The following PTPRD variants were observed in gnomAD, a reference collection of about 807,000 sequenced individuals.
The protein encoded by PTPRD is protein tyrosine phosphatase receptor type D, also known as receptor-type tyrosine-protein phosphatase delta.
Under a neutral mutation model 214.5 loss-of-function variants are expected in PTPRD, and 34 were observed. The ratio of observed to expected loss-of-function variants is 0.16; its 90% CI spans 0.12 to 0.21. PTPRD has a LOEUF of 0.21. PTPRD is among the 10% of genes least tolerant of loss of function. The pLI is 1.00. For missense variants in PTPRD, 2,545 were observed against 2,398.7 expected (o/e 1.06, Z -1.27); for synonymous variants, 1,128 against 845.7 (o/e 1.33, Z -5.79).
rs527658339 is a variant in PTPRD, at chr9:10,427,317, C to T, written c.-599-86300G>A. Among the ~76,000 whole-genome samples the T allele has an allele frequency of 2.6e-5, 4 of 152,124 alleles. No homozygotes were observed. The South Asian group carries it at 8.3e-4, about 32-fold the overall frequency. On this transcript the variant is annotated intron_variant, in intron 2 of 45. Transcript: ENST00000381196. ...AAGCACACCACTATGAAACCTATGC[C>T]TCACTAAATATGATTATAACAAACA...
chr9:9,100,528 A>G (rs2099789812), intron 10 of PTPRD, among the ~76,000 whole-genome samples: 1 of 152,190 alleles, frequency 6.6e-6, no homozygotes, highest in African/African-American at 2.4e-5. Flanking sequence ...TTCTGTTGGT[A>G]TGATCAGGTA....
At chr9:10,035,149 T>A (rs2097154854) in intron 3 of PTPRD, among the ~76,000 whole-genome samples, 1 of 152,170 alleles carries the variant, frequency 6.6e-6, no homozygotes, top group Non-Finnish European at 1.5e-5. Flanking sequence ...CCATTTTGAC[T>A]AGTGTGAGAT....
At chr9:9,550,132 A>T (rs1311354494) in intron 8 of PTPRD, among the ~76,000 whole-genome samples, 8 of 152,060 alleles carry the variant, frequency 5.3e-5, no homozygotes, top group Middle Eastern at 3.4e-3. Flanking sequence ...TCATCTTATC[A>T]GTTGAAGGCC....
intron 3 of PTPRD, among the ~76,000 whole-genome samples, chr9:10,161,938 T>A (rs746656644): frequency 1.1e-4 from 17 of 151,656 alleles, no homozygotes; most frequent in Admixed American, 7.2e-4. Flanking sequence ...GTATATTTTT[T>A]AAAAAAATGC....
intron 9 of PTPRD, among the ~76,000 whole-genome samples, chr9:9,235,938 T>C (rs2134083612): frequency 6.6e-6 from 1 of 152,210 alleles, no homozygotes; most frequent in South Asian, 2.1e-4. Context: ...TTAGTCTGAG[T>C]CAATTCTAAA....
At chr9:9,719,658 C>T (rs558461376) in intron 7 of PTPRD, among the ~76,000 whole-genome samples, 5 of 152,306 alleles carry the variant, frequency 3.3e-5, no homozygotes, top group Non-Finnish European at 5.9e-5. Context: ...CCTCACAGCT[C>T]GCTATGCTGC....
intron 3 of PTPRD, among the ~76,000 whole-genome samples, chr9:10,151,900 C>A (rs1477821515): frequency 6.6e-6 from 1 of 152,176 alleles, no homozygotes; most frequent in Non-Finnish European, 1.5e-5. Context: ...ATAATTTGTA[C>A]TATCCTATGC....
chr9:9,853,551 G>GT (rs1316300059), intron 5 of PTPRD, among the ~76,000 whole-genome samples: 1 of 151,650 alleles, frequency 6.6e-6, no homozygotes, highest in Admixed American at 6.6e-5. Context: ...TTTTTTTGTT[G>GT]TTTTTTGGTT....
intron 4 of PTPRD, among the ~76,000 whole-genome samples, chr9:9,944,655 G>A (rs1043410551): frequency 1.3e-5 from 2 of 151,966 alleles, no homozygotes; most frequent in Non-Finnish European, 2.9e-5. Flanking sequence ...CAAAGTCTAA[G>A]AAGAGAGCAT....
chr9:8,399,030 A>AGTG (rs2091866005), intron 36 of PTPRD, among the ~76,000 whole-genome samples: 1 of 150,240 alleles, frequency 6.7e-6, no homozygotes, highest in Non-Finnish European at 1.5e-5. Flanking sequence ...GGATAAAACC[A>AGTG]TTTAAATCTG....
chr9:9,249,258 G>A (rs71497133), intron 9 of PTPRD, among the ~76,000 whole-genome samples: 19,978 of 151,650 alleles, frequency 0.13, 1,585 homozygotes, highest in Middle Eastern at 0.25. Context: ...CTCCTCCTTC[G>A]ACTTCCATCA....
intron 2 of PTPRD, among the ~76,000 whole-genome samples, chr9:10,555,788 C>A (rs988438795): frequency 6.6e-6 from 1 of 151,840 alleles, no homozygotes; most frequent in African/African-American, 2.4e-5. Context: ...ATAAACACTG[C>A]CAAACAAATA....
chr9:9,212,360 T>C (rs909199051), intron 9 of PTPRD, among the ~76,000 whole-genome samples: 1 of 152,186 alleles, frequency 6.6e-6, no homozygotes, highest in Non-Finnish European at 1.5e-5. Flanking sequence ...TTTTTCCCTA[T>C]GCTGAAACAG....
At chr9:8,485,149 C>A in intron 29 of PTPRD, 78 bp downstream of exon 29, 1 of 1,218,248 alleles carries the variant, frequency 8.2e-7, no homozygotes, top group South Asian at 1.3e-5. Context: ...GGTCTGCTTG[C>A]TGTGCAAATA....
intron 8 of PTPRD, among the ~76,000 whole-genome samples, chr9:9,553,969 C>G (rs528820796): frequency 2.6e-5 from 4 of 152,068 alleles, no homozygotes; most frequent in African/African-American, 9.6e-5. Flanking sequence ...GCTACAGATT[C>G]TGGGTATTTT....
intron 3 of PTPRD, among the ~76,000 whole-genome samples, chr9:10,042,699 TAGAA>T (rs896166842): frequency 1.3e-5 from 2 of 151,800 alleles, no homozygotes; most frequent in African/African-American, 4.8e-5. Context: ...GAGATGCAAA[TAGAA>T]AGACTGAAGG....
intron 4 of PTPRD, among the ~76,000 whole-genome samples, chr9:10,017,848 T>C (rs1386259170): frequency 6.6e-6 from 1 of 152,040 alleles, no homozygotes; most frequent in Non-Finnish European, 1.5e-5. Flanking sequence ...TTGAATGCCC[T>C]CATGTAAAAT....
At chr9:10,195,228 T>C (rs1419514366) in intron 3 of PTPRD, among the ~76,000 whole-genome samples, 3 of 149,812 alleles carry the variant, frequency 2.0e-5, no homozygotes, top group Non-Finnish European at 4.4e-5. Context: ...TATTGTACAA[T>C]GCCAGGCATG....
intron 8 of PTPRD, among the ~76,000 whole-genome samples, chr9:9,449,616 T>G (rs756770895): frequency 7.2e-5 from 11 of 151,986 alleles, no homozygotes; most frequent in Non-Finnish European, 1.6e-4. Context: ...TGCAAACATA[T>G]AGTGTGTAAG....
Sources: allele counts gnomAD v4.1 joint callset (sites outside exome capture counted in the v4.1 genomes callset), GRCh38; gene constraint gnomAD v4.1.1; transcripts MANE v1.5; gene names NCBI Gene and HGNC (gene_info 2026-07-23, HGNC 2026-07-21).